Variants in ZNF516 observed in about 807,000 individuals in gnomAD.
ZNF516 encodes zinc finger protein 516.
ZNF516 carries 19 observed loss-of-function variants against 79.7 expected under a neutral mutation model. The ratio of observed to expected loss-of-function variants is 0.24; its 90% CI spans 0.17 to 0.35. The LOEUF is 0.35. ZNF516 is among the 10% of genes least tolerant of loss of function. The pLI is 1.00. For missense variants in ZNF516, 1,678 were observed against 1,679.5 expected (o/e 1.00, Z 0.02); for synonymous variants, 877 against 739.5 (o/e 1.19, Z -3.02).
chr18:76,423,905 G>A (rs2075549404), intron 3 of ZNF516, among the ~76,000 whole-genome samples: 1 of 110,296 alleles, frequency 9.1e-6, no homozygotes, highest in Non-Finnish European at 2.0e-5. Flanking sequence ...ACACGCAGGT[G>A]AAAAGGCTCC....
chr18:76,404,560 T>G (rs2075275934), intron 3 of ZNF516, among the ~76,000 whole-genome samples: 1 of 151,494 alleles, frequency 6.6e-6, no homozygotes, highest in Admixed American at 6.6e-5. Flanking sequence ...GTGCATGTGT[T>G]TGTATGTTTG....
chr18:76,429,103 G>T (rs750630019), intron 3 of ZNF516, among the ~76,000 whole-genome samples: 1 of 152,262 alleles, frequency 6.6e-6, no homozygotes, highest in Non-Finnish European at 1.5e-5. Flanking sequence ...CCTGGTAGGG[G>T]ATGAGGAGTC....
intron 1 of ZNF516, among the ~76,000 whole-genome samples, chr18:76,484,504 C>T (rs555677633): frequency 7.9e-5 from 12 of 152,158 alleles, no homozygotes; most frequent in African/African-American, 4.8e-5. Context: ...CGCCCTAACC[C>T]CGCTCGGGCC....
chr18:76,369,503 G>T (rs1331519335), intron 6 of ZNF516, among the ~76,000 whole-genome samples: 1 of 152,074 alleles, frequency 6.6e-6, no homozygotes, highest in Non-Finnish European at 1.5e-5. Flanking sequence ...ATTAGCAGTG[G>T]GTCCTTGGTG....
intron 3 of ZNF516, among the ~76,000 whole-genome samples, chr18:76,429,852 G>T (rs531492951): frequency 6.6e-6 from 1 of 152,194 alleles, no homozygotes; most frequent in East Asian, 1.9e-4. Context: ...CGGCTACCAG[G>T]CTGTTCTGCA....
At position 76,441,339 on chromosome 18, in the gene ZNF516, G is replaced by A. The variant is rs1390836829; in HGVS notation, c.1716C>T (p.Gly572=). 1 of 1,611,730 alleles carries A rather than the reference G, an allele frequency of 6.2e-7. No homozygotes were observed. The highest frequency in any genetic ancestry group is 1.1e-5 in the South Asian group (1 of 90,992). The change falls in exon 3 of 7, where the codon GGC becomes GGT. Residue 572 remains glycine, a synonymous_variant. Transcript: ENST00000443185. The part of the protein sequence containing the change: ...GDSASQPSSP[G]SACAAADSPG... ...GGGAGTCAGCAGCGGCACAGGCGGA[G>A]CCAGGGCTGCTGGGCTGGGAGGCCG...
intron 6 of ZNF516, among the ~76,000 whole-genome samples, chr18:76,368,683 A>G (rs2074656779): frequency 6.6e-6 from 1 of 152,224 alleles, no homozygotes; most frequent in Admixed American, 6.5e-5. Flanking sequence ...AGACAAAGAG[A>G]ACAATATAAG....
intron 1 of ZNF516, among the ~76,000 whole-genome samples, chr18:76,479,540 T>C (rs887655581): frequency 1.3e-5 from 2 of 152,132 alleles, no homozygotes; most frequent in African/African-American, 2.4e-5. Flanking sequence ...ATCCCACAGA[T>C]GGAGGGAAGA....
intron 3 of ZNF516, among the ~76,000 whole-genome samples, chr18:76,399,148 T>A (rs1728233916): frequency 6.6e-6 from 1 of 152,222 alleles, no homozygotes; most frequent in Admixed American, 6.5e-5. Context: ...GTGCTACGCG[T>A]GTGGTCCCCG....
At chr18:76,371,653 C>T (rs564208260) in intron 4 of ZNF516, 82 bp from the exon 5 acceptor site, 49 of 1,124,708 alleles carry the variant, frequency 4.4e-5, no homozygotes, top group Admixed American at 5.9e-5. Context: ...GAGGGGGAAG[C>T]GAGAGGAAAA....
chr18:76,458,659 CGTGCCTCACCGTCGTGTGTGCGT>C (rs1568310459), intron 2 of ZNF516, among the ~76,000 whole-genome samples: 1 of 147,976 alleles, frequency 6.8e-6, no homozygotes, highest in African/African-American at 2.5e-5. Context: ...CGTGCGTGTG[CGTGCCTCACCGTCGTGTGTGCGT>C]GCCTCACCGT....
intron 3 of ZNF516, chr18:76,388,954 T>C (rs1188806085): frequency 6.6e-6 from 1 of 152,226 alleles, no homozygotes; most frequent in Non-Finnish European, 1.5e-5. Flanking sequence ...AAATGAACCA[T>C]ACATGGAAGA....
intron 4 of ZNF516, among the ~76,000 whole-genome samples, chr18:76,374,032 C>T (rs1009358000): frequency 6.6e-6 from 1 of 152,200 alleles, no homozygotes; most frequent in Non-Finnish European, 1.5e-5. Context: ...AGCCCTGCTA[C>T]GTTGCGTGTC....
rs764814566 is a variant in ZNF516 at position 76,379,110 on chromosome 18, G to A, written c.3004C>T (p.Pro1002Ser). The A allele has an allele frequency of 8.1e-6, 13 of 1,611,666 alleles. No individual in the cohort carries two copies. In the African/African-American group the frequency reaches 1.1e-4, roughly 13 times the overall value. ...GGAPPLPPRE[P>S]PSKAAQELRT... ...AGCTCCTGGGCTGCCTTCGAGGGGG[G>A]CTCGCGGGGAGGTAGAGGAGGAGCG... The change falls in exon 4 of 7, where the codon CCC (proline) becomes TCC (serine). Residue 1002 changes from proline (P) to serine (S), a missense_variant. Around this residue, in one of 5 missense-constraint regions of ZNF516, gnomAD observed 1,294 missense variants for 1,248.3 expected, o/e 1.04. Coordinates refer to ENST00000443185, the MANE Select transcript of ZNF516 (RefSeq NM_014643.4).
chr18:76,481,362 T>C (rs1914512901), intron 1 of ZNF516, among the ~76,000 whole-genome samples: 1 of 152,226 alleles, frequency 6.6e-6, no homozygotes, highest in South Asian at 2.1e-4. Context: ...AACCCCCTCT[T>C]GGATGATGCT....
chr18:76,456,011 A>T (rs1051757796), intron 2 of ZNF516, among the ~76,000 whole-genome samples: 3 of 152,186 alleles, frequency 2.0e-5, no homozygotes, highest in African/African-American at 7.2e-5. Context: ...CGGCATCCTC[A>T]AACAGTCAGG....
intron 1 of ZNF516, among the ~76,000 whole-genome samples, chr18:76,489,168 T>C (rs1173576484): frequency 6.6e-6 from 1 of 152,216 alleles, no homozygotes; most frequent in East Asian, 1.9e-4. Flanking sequence ...TTCTCTTAAA[T>C]TATAAATAAG....
At chr18:76,492,175 G>A in intron 1 of ZNF516, 2 of 985,436 alleles carry the variant, frequency 2.0e-6, no homozygotes, top group Non-Finnish European at 2.4e-6. Flanking sequence ...GGTGGGTACA[G>A]AAGCGCAGCA....
chr18:76,483,561 T>C (rs1914654000), intron 1 of ZNF516, among the ~76,000 whole-genome samples: 1 of 152,084 alleles, frequency 6.6e-6, no homozygotes, highest in African/African-American at 2.4e-5. Context: ...ATGTCCCCCG[T>C]CAGCTGGCCC....
Sources: gnomAD v4.1 joint callset for allele counts (sites outside exome capture counted in the v4.1 genomes callset) on GRCh38, gnomAD v4.1.1 for gene constraint, gnomAD v4.1.1 regional missense constraint, MANE v1.5 for transcripts, NCBI Gene and HGNC (gene_info 2026-07-23, HGNC 2026-07-21) for gene names.